ZFHX3: variants seen among roughly 807,000 people sequenced by gnomAD.
ZFHX3 encodes the protein zinc finger homeobox 3, also known as zinc finger homeobox protein 3.
A neutral mutation model predicts 279.1 loss-of-function variants in ZFHX3; 42 were observed. The observed-to-expected ratio is 0.15, with a 90% CI of 0.12 to 0.19. ZFHX3 has a LOEUF of 0.19. Ranked by LOEUF, ZFHX3 falls within the 10% of genes least tolerant of loss-of-function variation. The probability of loss-of-function intolerance (pLI) is 1.00; values close to 1 mark genes in which losing one functional copy is unlikely to be tolerated. For missense variants in ZFHX3, 4,981 were observed against 4,754.0 expected (o/e 1.05, Z -1.40); for synonymous variants, 2,293 against 1,957.8 (o/e 1.17, Z -4.52).
intron 4 of ZFHX3, among the ~76,000 whole-genome samples, chr16:72,839,251 G>A (rs962399823): frequency 1.3e-5 from 2 of 151,330 alleles, no homozygotes; most frequent in Admixed American, 6.6e-5. Flanking sequence ...CAATGTCAGC[G>A]CGACGACAAA....
chr16:73,491,353 C>T (rs992981666), intron 2 of ZFHX3, among the ~76,000 whole-genome samples: 26 of 152,216 alleles, frequency 1.7e-4, no homozygotes, highest in Non-Finnish European at 5.9e-5. Context: ...GAATTGGTCA[C>T]ATGGCTTCAA....
intron 3 of ZFHX3, among the ~76,000 whole-genome samples, chr16:72,925,057 A>G (rs1184195219): frequency 3.9e-5 from 6 of 152,256 alleles, no homozygotes; most frequent in Non-Finnish European, 8.8e-5. Context: ...CACAGGTCCC[A>G]TTCATATTTG....
intron 2 of ZFHX3, among the ~76,000 whole-genome samples, chr16:73,458,076 A>T (rs2018405059): frequency 6.6e-6 from 1 of 152,150 alleles, no homozygotes; most frequent in African/African-American, 2.4e-5. Context: ...TCTTGAAATG[A>T]CTTGGTTTTC....
At chr16:73,444,981 A>C (rs12933238) in intron 3 of ZFHX3, among the ~76,000 whole-genome samples, 5 of 122,662 alleles carry the variant, frequency 4.1e-5, no homozygotes, top group Admixed American at 3.4e-4. Context: ...AAAAAAAAAA[A>C]CAAATTAGCC....
intron 2 of ZFHX3, among the ~76,000 whole-genome samples, chr16:72,956,353 G>A (rs1027042644): frequency 7.2e-5 from 11 of 152,172 alleles, no homozygotes; most frequent in Non-Finnish European, 1.3e-4. Flanking sequence ...CTGGTCCCAC[G>A]AAGTCCATTA....
chr16:72,872,405 T>C (rs2038185774), intron 4 of ZFHX3, among the ~76,000 whole-genome samples: 1 of 152,184 alleles, frequency 6.6e-6, no homozygotes, highest in Non-Finnish European at 1.5e-5. Context: ...AAGTACTCTC[T>C]AGGTTCTCAA....
At chr16:73,568,336 G>A (rs1254868208) in intron 2 of ZFHX3, among the ~76,000 whole-genome samples, 1 of 149,630 alleles carries the variant, frequency 6.7e-6, no homozygotes, top group Non-Finnish European at 1.5e-5. Context: ...TAATGTCTTT[G>A]TGGGCATTTC....
chr16:73,300,660 T>C (rs751593612), intron 4 of ZFHX3, among the ~76,000 whole-genome samples: 4 of 152,244 alleles, frequency 2.6e-5, no homozygotes, highest in African/African-American at 7.2e-5. Flanking sequence ...CCTGCCACCA[T>C]GCCCGGCTAA....
At chr16:73,289,607 A>G (rs2014717607) in intron 4 of ZFHX3, among the ~76,000 whole-genome samples, 1 of 152,046 alleles carries the variant, frequency 6.6e-6, no homozygotes, top group South Asian at 2.1e-4. Context: ...CCATGTCCCC[A>G]GGGCACCTTG....
chr16:72,856,222 C>A (rs2037752522), intron 4 of ZFHX3, among the ~76,000 whole-genome samples: 2 of 152,218 alleles, frequency 1.3e-5, no homozygotes, highest in South Asian at 4.1e-4. Context: ...ACCTGTCTGT[C>A]TGCAGCTCCC....
intron 4 of ZFHX3, among the ~76,000 whole-genome samples, chr16:72,845,367 A>C (rs1295563906): frequency 6.6e-6 from 1 of 152,122 alleles, no homozygotes; most frequent in African/African-American, 2.4e-5. Context: ...TCTTGTCCCC[A>C]GTCTCAGTTC....
intron 4 of ZFHX3, among the ~76,000 whole-genome samples, chr16:72,872,478 G>A (rs1004348524): frequency 6.6e-6 from 1 of 152,088 alleles, no homozygotes; most frequent in Non-Finnish European, 1.5e-5. Context: ...CTTTTTTTGA[G>A]ACAGAGTCTC....
At chr16:73,427,271 G>A (rs1567480831) in intron 3 of ZFHX3, among the ~76,000 whole-genome samples, 1 of 152,128 alleles carries the variant, frequency 6.6e-6, no homozygotes, top group Non-Finnish European at 1.5e-5. Context: ...ATTTGTGAGT[G>A]GTAAGGTCAT....
chr16:73,084,799 C>T (rs1965991310), intron 8 of ZFHX3, among the ~76,000 whole-genome samples: 1 of 152,114 alleles, frequency 6.6e-6, no homozygotes, highest in Admixed American at 6.6e-5. Flanking sequence ...GGATGACAGG[C>T]ATGAGCCACC....
At chr16:73,527,261 G>C (rs996156410) in intron 2 of ZFHX3, among the ~76,000 whole-genome samples, 8 of 152,152 alleles carry the variant, frequency 5.3e-5, no homozygotes, top group African/African-American at 1.7e-4. Context: ...TGACACTCAG[G>C]ATGTGAAGGG....
rs2035981559 is a variant in ZFHX3, at chr16:72,798,234, T to C, written c.4448A>G (p.Glu1483Gly). The C allele has an allele frequency of 6.2e-7, 1 of 1,614,224 alleles. No homozygotes were observed. ...LLAMGDPTLA[E>G]DHTIIVEEDK... ...TTCCTCAACAATTATGGTATGGTCC[T>C]CTGCCAGAGTGGGGTCTCCCATTGC... Residue 1483 changes from glutamate (E) to glycine (G), a missense_variant, in exon 9 of 10, where the codon GAG (glutamate) becomes GGG (glycine). This residue lies in a region of ZFHX3 where 1,751 missense variants were observed against 1,770.0 expected (regional missense o/e 0.99). Coordinates refer to ENST00000268489, the MANE Select transcript of ZFHX3 (RefSeq NM_006885.4).
chr16:72,895,549 C>T (rs992756447), intron 3 of ZFHX3, among the ~76,000 whole-genome samples: 2 of 152,212 alleles, frequency 1.3e-5, no homozygotes, highest in African/African-American at 2.4e-5. Context: ...GGAGGCCAGG[C>T]GTGGTGGCTC....
intron 5 of ZFHX3, among the ~76,000 whole-genome samples, chr16:73,172,292 C>T (rs1967548427): frequency 6.6e-6 from 1 of 152,222 alleles, no homozygotes; most frequent in South Asian, 2.1e-4. Flanking sequence ...CTGAAACTGA[C>T]CAGCTCCGAC....
At chr16:72,988,458 C>G (rs1962938377) in intron 1 of ZFHX3, among the ~76,000 whole-genome samples, 1 of 152,230 alleles carries the variant, frequency 6.6e-6, no homozygotes, top group Non-Finnish European at 1.5e-5. Flanking sequence ...TGGAACCCGC[C>G]AAACATTTCT....
Sources: allele counts gnomAD v4.1 joint callset (sites outside exome capture counted in the v4.1 genomes callset), GRCh38; gene constraint gnomAD v4.1.1; regional missense constraint gnomAD v4.1.1; transcripts MANE v1.5; gene names NCBI Gene and HGNC (gene_info 2026-07-23, HGNC 2026-07-21).